Variants in SHISA5 observed in about 807,000 individuals in gnomAD.
SHISA5 encodes the protein protein shisa-5.
A neutral mutation model predicts 27.5 loss-of-function variants in SHISA5; 21 were observed. The observed-to-expected ratio is 0.76, with a 90% CI of 0.54 to 1.10. The LOEUF is 1.10. Ranked by LOEUF, SHISA5 falls within the 50% of genes least tolerant of loss-of-function variation. SHISA5 has a pLI of 0.00. For missense variants in SHISA5, 314 were observed against 336.3 expected (o/e 0.93, Z 0.52); for synonymous variants, 137 against 142.2 (o/e 0.96, Z 0.26).
At chr3:48,500,985 A>G (rs1431182695) in intron 2 of SHISA5, 152 bp downstream of exon 2, 7 of 869,896 alleles carry the variant, frequency 8.0e-6, no homozygotes, top group Non-Finnish European at 1.2e-5. Flanking sequence ...TCCAGCCCAG[A>G]ACAGGGGATC....
intron 3 of SHISA5, among the ~76,000 whole-genome samples, chr3:48,472,759 C>T (rs2040682023): frequency 6.6e-6 from 1 of 152,040 alleles, no homozygotes; most frequent in Non-Finnish European, 1.5e-5. Context: ...GAGCTAAAGA[C>T]TCCAGGCTCA....
intron 2 of SHISA5, chr3:48,479,464 G>A (rs2040932626): frequency 1.7e-6 from 1 of 573,388 alleles, no homozygotes; most frequent in Non-Finnish European, 3.1e-6. Context: ...GTCTCCAGGA[G>A]AGAACATATG....
chr3:48,470,497 C>T lies in SHISA5; in HGVS notation c.315-654G>A, dbSNP rs1041957097. Among the ~76,000 whole-genome samples, 1 of 152,210 alleles carries T rather than the reference C, an allele frequency of 6.6e-6. No individual in the cohort carries two copies. The highest frequency in any genetic ancestry group is 6.5e-5 in the Admixed American group (1 of 15,278). On this transcript the variant is annotated intron_variant, in intron 3 of 5. Coordinates refer to ENST00000296444, the MANE Select transcript of SHISA5 (RefSeq NM_016479.6). This position sits in a 1 kb window ranked among gnomAD's most constrained non-coding sequence, Gnocchi z 4.3. ...CCAGGGGTCACACACACCCCTGGGT[C>T]CCCCACCTCTGACCTGCATGGCCAC...
chr3:48,492,118 A>C (rs866073039), intron 2 of SHISA5, among the ~76,000 whole-genome samples: 236 of 126,358 alleles, frequency 1.9e-3, no homozygotes, highest in Middle Eastern at 4.8e-3. Flanking sequence ...GTGCCACTCC[A>C]CTCCAGCCGG....
intron 3 of SHISA5, among the ~76,000 whole-genome samples, chr3:48,472,336 A>G (rs1003308372): frequency 1.3e-4 from 19 of 151,822 alleles, no homozygotes; most frequent in African/African-American, 4.6e-4. Context: ...AAAATACAAA[A>G]AAAAAAAGAA....
chr3:48,503,648 G>A, intron 1 of SHISA5: 2 of 985,158 alleles, frequency 2.0e-6, no homozygotes, highest in South Asian at 3.7e-5. Context: ...AGGCAAAGAG[G>A]GAAGGCCTCT....
intron 2 of SHISA5, among the ~76,000 whole-genome samples, chr3:48,482,639 CTT>C (rs879532444): frequency 6.8e-6 from 1 of 146,000 alleles, no homozygotes; most frequent in Non-Finnish European, 1.5e-5. Context: ...TGAAAACTCA[CTT>C]TTTTTTTTTT....
chr3:48,481,365 G>A (rs949488134), intron 2 of SHISA5, among the ~76,000 whole-genome samples: 42 of 151,976 alleles, frequency 2.8e-4, no homozygotes, highest in Non-Finnish European at 5.3e-4. Context: ...CTTGAACCCG[G>A]GAGGTGGAGG....
Position 48,468,617 on chromosome 3 carries a change from G to T in SHISA5, c.*490C>A. 8.4e-7 allele frequency: 1 copy of T among 1,196,730 alleles called. No homozygotes were observed. The highest frequency in any genetic ancestry group is 1.1e-6 in the Non-Finnish European group (1 of 946,418). 74.1% of individuals were successfully genotyped at this position (1,196,730 alleles called of 1,614,324 possible). A position where few individuals can be genotyped will look rare whatever the true frequency, so the allele number is the denominator to read the frequency against. On this transcript the variant is annotated 3_prime_UTR_variant, in exon 6 of 6. Coordinates refer to ENST00000296444, the MANE Select transcript of SHISA5 (RefSeq NM_016479.6). Reference sequence around the variant, plus strand: ...CATCATGTCCCTGGCTCTGCAACGGGTACCCCCAACTCCGGGGACGAGCCA... The same window carrying T: ...CATCATGTCCCTGGCTCTGCAACGGTTACCCCCAACTCCGGGGACGAGCCA...
chr3:48,481,112 A>G (rs1381040554), intron 2 of SHISA5, among the ~76,000 whole-genome samples: 1 of 150,794 alleles, frequency 6.6e-6, no homozygotes, highest in African/African-American at 2.5e-5. Flanking sequence ...TAATAAGAAT[A>G]AATAAATAAA....
chr3:48,480,285 C>CAAAAAAAAAAAAAAAAAAAAA (rs57073358), intron 2 of SHISA5, among the ~76,000 whole-genome samples: 1 of 103,564 alleles, frequency 9.7e-6, no homozygotes, highest in Non-Finnish European at 2.2e-5. Context: ...TAAGAAGGTA[C>CAAAAAAAAAAAAAAAAAAAAA]AAAAAAAAAA....
chr3:48,473,026 C>A lies in SHISA5; in HGVS notation c.315-3183G>T. On this transcript the variant is annotated intron_variant, in intron 3 of 5. Transcript: ENST00000296444. This position sits in a 1 kb window ranked among gnomAD's most constrained non-coding sequence, Gnocchi z 4.3. Reference sequence around the variant, plus strand: ...CAAGCTCACCCCATGTTAGCCTCTGCCTTCACCCAGAGGCCTCCTGTACCC... The same window carrying A: ...CAAGCTCACCCCATGTTAGCCTCTGACTTCACCCAGAGGCCTCCTGTACCC... The A allele has an allele frequency of 6.5e-7, 1 of 1,536,032 alleles. No homozygotes were observed. Among genetic ancestry groups the A allele is most frequent in the Non-Finnish European group, 8.7e-7 (1 of 1,146,838 alleles).
intron 3 of SHISA5, among the ~76,000 whole-genome samples, chr3:48,475,400 G>A (rs1030490083): frequency 6.6e-6 from 1 of 152,154 alleles, no homozygotes; most frequent in East Asian, 1.9e-4. Flanking sequence ...ACCCCGGCAG[G>A]GAGTTTGGGC....
At chr3:48,484,620 A>C (rs1435147275) in intron 2 of SHISA5, among the ~76,000 whole-genome samples, 2 of 145,716 alleles carry the variant, frequency 1.4e-5, no homozygotes, top group African/African-American at 5.1e-5. Flanking sequence ...GGCCAGGCAC[A>C]GTGGCTCATG....
At chr3:48,491,560 T>G (rs938497465) in intron 2 of SHISA5, among the ~76,000 whole-genome samples, 1 of 152,186 alleles carries the variant, frequency 6.6e-6, no homozygotes, top group African/African-American at 2.4e-5. Flanking sequence ...TCACTCATAT[T>G]CGGCTCAGAA....
At chr3:48,487,499 T>A (rs1351798781) in intron 2 of SHISA5, among the ~76,000 whole-genome samples, 1 of 152,208 alleles carries the variant, frequency 6.6e-6, no homozygotes, top group East Asian at 1.9e-4. Flanking sequence ...AGGTATTTGA[T>A]GTTTTTGATG....
chr3:48,474,619 G>C (rs577079200), intron 3 of SHISA5, among the ~76,000 whole-genome samples: 1 of 152,236 alleles, frequency 6.6e-6, no homozygotes, highest in South Asian at 2.1e-4. Flanking sequence ...TTACAGGCCT[G>C]AGCCACCGTG....
chr3:48,479,512 C>G, intron 2 of SHISA5: 1 of 523,390 alleles, frequency 1.9e-6, no homozygotes, highest in South Asian at 2.9e-5. Context: ...TTTTAGAAGA[C>G]AGATACCATA....
chr3:48,483,738 C>A (rs2041104199), intron 2 of SHISA5, among the ~76,000 whole-genome samples: 2 of 150,574 alleles, frequency 1.3e-5, no homozygotes, highest in Non-Finnish European at 1.5e-5. Flanking sequence ...CACCTCCCTC[C>A]CGGACGGGGC....
Sources: allele counts gnomAD v4.1 joint callset (sites outside exome capture counted in the v4.1 genomes callset), GRCh38; gene constraint gnomAD v4.1.1; non-coding constraint Gnocchi (gnomAD v3.1); transcripts MANE v1.5; gene names NCBI Gene and HGNC (gene_info 2026-07-23, HGNC 2026-07-21).